TRPM3: variants seen among roughly 807,000 people sequenced by gnomAD.
TRPM3 encodes long transient receptor potential channel 3.
Under a neutral mutation model 181.2 loss-of-function variants are expected in TRPM3, and 77 were observed. The ratio of observed to expected loss-of-function variants is 0.42; its 90% CI spans 0.35 to 0.51. TRPM3 has a LOEUF of 0.51. Ranked by LOEUF, TRPM3 falls within the 20% of genes least tolerant of loss-of-function variation. TRPM3 has a pLI of 0.01. For synonymous variants in TRPM3, 745 were observed against 796.4 expected, an observed-to-expected ratio of 0.94 and a Z score of 1.09; for missense variants, 1,759 against 2,196.7, an observed-to-expected ratio of 0.80 and a Z score of 3.98.
At chr9:70,621,849 A>G (rs1429989493) in intron 14 of TRPM3, among the ~76,000 whole-genome samples, 1 of 152,134 alleles carries the variant, frequency 6.6e-6, no homozygotes, top group Admixed American at 6.5e-5. Context: ...AGGCATAATG[A>G]GATTGCCTGA....
At chr9:71,250,030 T>C (rs1465072005) in intron 1 of TRPM3, among the ~76,000 whole-genome samples, 1 of 152,210 alleles carries the variant, frequency 6.6e-6, no homozygotes, top group Non-Finnish European at 1.5e-5. Flanking sequence ...TAAGGCTTGA[T>C]AACTCCTCAT....
In TRPM3 at chr9:71,425,210, A is replaced by T. The variant is rs996774383; in HGVS notation, c.183+21443T>A. 3.3e-5 allele frequency among the ~76,000 whole-genome samples: 5 copies of T among 152,060 alleles called. No individual in the cohort carries two copies. The East Asian group carries it at 7.7e-4, about 24-fold the overall frequency. Reference sequence around the variant, plus strand: ...ATGTACTATCATCCTAATTAACATCATGTGTTCATGGGCTTTAATATCACC... The same window carrying T: ...ATGTACTATCATCCTAATTAACATCTTGTGTTCATGGGCTTTAATATCACC... On this transcript the variant is annotated intron_variant, in intron 1 of 24. Transcript: ENST00000357533.
intron 1 of TRPM3, among the ~76,000 whole-genome samples, chr9:71,202,762 T>C (rs1465753078): frequency 6.6e-6 from 1 of 152,160 alleles, no homozygotes; most frequent in Non-Finnish European, 1.5e-5. Flanking sequence ...ACTATGTCAC[T>C]TATAAAACCC....
chr9:71,358,604 A>C (rs1190939662), intron 1 of TRPM3, among the ~76,000 whole-genome samples: 1 of 152,196 alleles, frequency 6.6e-6, no homozygotes, highest in African/African-American at 2.4e-5. Context: ...CTCTAACAAG[A>C]TATTTCAAAT....
intron 1 of TRPM3, among the ~76,000 whole-genome samples, chr9:71,292,395 T>C (rs1401810725): frequency 6.6e-6 from 1 of 152,002 alleles, no homozygotes. Flanking sequence ...CTGTTTTTAA[T>C]GGCTAAAAAA....
chr9:70,892,619 A>T (rs1468377426), intron 1 of TRPM3, among the ~76,000 whole-genome samples: 2 of 151,832 alleles, frequency 1.3e-5, no homozygotes, highest in South Asian at 2.1e-4. Context: ...TCAAAAAAAA[A>T]AAAAAAAACT....
intron 1 of TRPM3, among the ~76,000 whole-genome samples, chr9:71,194,352 T>C (rs927742592): frequency 6.6e-6 from 1 of 151,954 alleles, no homozygotes; most frequent in Non-Finnish European, 1.5e-5. Flanking sequence ...TCTTCTTCCT[T>C]GATACATAGC....
chr9:71,319,747 A>C (rs1456158526), intron 1 of TRPM3, among the ~76,000 whole-genome samples: 3 of 152,146 alleles, frequency 2.0e-5, no homozygotes, highest in Admixed American at 2.0e-4. Flanking sequence ...TGTTACCCTT[A>C]GCCTCAGAAA....
chr9:70,754,617 AG>A (rs2076740264), intron 8 of TRPM3, among the ~76,000 whole-genome samples: 1 of 152,164 alleles, frequency 6.6e-6, no homozygotes, highest in Admixed American at 6.5e-5. Flanking sequence ...GCCCATCCAT[AG>A]TGCAGGCTTT....
intron 1 of TRPM3, among the ~76,000 whole-genome samples, chr9:71,114,222 A>G (rs1037402322): frequency 2.6e-5 from 4 of 152,204 alleles, no homozygotes; most frequent in African/African-American, 9.6e-5. Context: ...TGATATCCCT[A>G]CACTACAACT....
At chr9:70,638,663 A>G (rs982815057) in intron 11 of TRPM3, among the ~76,000 whole-genome samples, 1 of 152,196 alleles carries the variant, frequency 6.6e-6, no homozygotes, top group Non-Finnish European at 1.5e-5. Flanking sequence ...CATAGCTCTG[A>G]GGATAAAAAA....
chr9:70,766,947 A>C (rs993819130), intron 7 of TRPM3, among the ~76,000 whole-genome samples: 10 of 152,256 alleles, frequency 6.6e-5, no homozygotes, highest in Non-Finnish European at 1.3e-4. Flanking sequence ...AGGCTTGTGA[A>C]TATTAAATGA....
chr9:70,838,981 G>A (rs951686560), intron 5 of TRPM3, among the ~76,000 whole-genome samples: 1 of 152,056 alleles, frequency 6.6e-6, no homozygotes, highest in Admixed American at 6.6e-5. Flanking sequence ...ATCCCACACT[G>A]TTTTACCGCC....
rs1326786965 is a variant in TRPM3 at position 70,646,883 on chromosome 9, A to AC, written c.1346-6224_1346-6223insG. ...CTGACCCCATGGAAGTACAAAAAAA[A>AC]AAAAAAAACCCTCAGAGTCTATTAG... On this transcript the variant is annotated intron_variant, in intron 9 of 25. Transcript: ENST00000677713. 9.1e-4 allele frequency among the ~76,000 whole-genome samples: 117 copies of AC among 128,426 alleles called. 2 individuals carry two copies. The highest frequency in any genetic ancestry group is 2.5e-3 in the South Asian group (10 of 4,012). The allele number at this position is 128,426 out of a possible 152,430, so 84.3% of individuals were successfully genotyped here.
intron 8 of TRPM3, among the ~76,000 whole-genome samples, chr9:70,697,027 T>C (rs978794291): frequency 1.3e-5 from 2 of 152,120 alleles, no homozygotes; most frequent in Non-Finnish European, 2.9e-5. Context: ...GCTTTCCTCA[T>C]GGCATTTTTC....
intron 6 of TRPM3, among the ~76,000 whole-genome samples, chr9:70,786,524 C>A (rs1453679536): frequency 6.6e-6 from 1 of 151,922 alleles, no homozygotes; most frequent in Non-Finnish European, 1.5e-5. Flanking sequence ...TAAGGGCTAA[C>A]TTGAAATGTT....
chr9:71,177,668 A>C (rs940711264), intron 1 of TRPM3, among the ~76,000 whole-genome samples: 1 of 152,252 alleles, frequency 6.6e-6, no homozygotes, highest in South Asian at 2.1e-4. Context: ...TTCAACTTAA[A>C]GAAGGCCCAA....
intron 1 of TRPM3, among the ~76,000 whole-genome samples, chr9:71,142,578 C>A (rs1013295687): frequency 2.6e-5 from 4 of 151,870 alleles, no homozygotes; most frequent in Admixed American, 6.6e-5. Context: ...AAAGTGAGAT[C>A]AAATCTAATG....
chr9:70,874,287 T>A (rs1047215698), intron 1 of TRPM3, among the ~76,000 whole-genome samples: 1 of 151,990 alleles, frequency 6.6e-6, no homozygotes, highest in African/African-American at 2.4e-5. Context: ...CAATAATATG[T>A]TATATTTATA....
Sources: gnomAD v4.1 joint callset for allele counts (sites outside exome capture counted in the v4.1 genomes callset) on GRCh38, gnomAD v4.1.1 for gene constraint, MANE v1.5 for transcripts, NCBI Gene and HGNC (gene_info 2026-07-23, HGNC 2026-07-21) for gene names.